PCNT: variants seen among roughly 807,000 people sequenced by gnomAD.
The protein encoded by PCNT is kendrin.
PCNT carries 319 observed loss-of-function variants against 380.4 expected under a neutral mutation model. That is an observed-to-expected ratio of 0.84 (90% CI 0.77 to 0.92). The LOEUF (loss-of-function observed/expected upper bound fraction) is 0.92, where lower values mean the gene tolerates loss of function less well. Ranked by LOEUF, PCNT falls within the 40% of genes least tolerant of loss-of-function variation. The probability of loss-of-function intolerance (pLI) is 0.00; values close to 1 mark genes in which losing one functional copy is unlikely to be tolerated. For synonymous variants in PCNT, 1,845 were observed against 1,735.2 expected (o/e 1.06, Z -1.57); for missense variants, 4,400 against 4,255.3 (o/e 1.03, Z -0.95).
At position 46,398,044 on chromosome 21, in the gene PCNT, GAGGAGTTCCAGC is replaced by G; in HGVS notation, c.4483_4494del (p.Phe1495_Glu1498del). 1 of 1,594,398 alleles carries G rather than the reference GAGGAGTTCCAGC, an allele frequency of 6.3e-7. No individual in the cohort carries two copies. The highest frequency in any genetic ancestry group is 8.5e-7 in the Non-Finnish European group (1 of 1,171,728). On this transcript the variant is annotated inframe_deletion, in exon 23 of 47. Coordinates refer to ENST00000359568, the MANE Select transcript of PCNT (RefSeq NM_006031.6). Reference sequence around the variant, plus strand: ...GGCAGCCGAGCGGGAGCACGAGCGCGAGGAGTTCCAGCAGGAGATTCAGAGGCTGGAGGGGCA... The same window carrying G: ...GGCAGCCGAGCGGGAGCACGAGCGCGAGGAGATTCAGAGGCTGGAGGGGCA...
intron 33 of PCNT, 135 bp downstream of exon 33, chr21:46,426,106 C>T: frequency 2.6e-6 from 2 of 784,248 alleles, no homozygotes; most frequent in Non-Finnish European, 3.6e-6. Flanking sequence ...TGAGACTCGG[C>T]TCACTGCAAC....
Position 46,354,515 on chromosome 21 carries a change from A to T in PCNT, c.1761+447A>T, listed in dbSNP as rs569083135. On this transcript the variant is annotated intron_variant, in intron 11 of 46. Coordinates refer to ENST00000359568, the MANE Select transcript of PCNT (RefSeq NM_006031.6). Reference sequence around the variant, plus strand: ...AAACTGTCCAAACGGAGCTTCTGGGATGTAGACTGTTCTGGGTCTGTGCTG... The same window carrying T: ...AAACTGTCCAAACGGAGCTTCTGGGTTGTAGACTGTTCTGGGTCTGTGCTG... 2.6e-5 allele frequency among the ~76,000 whole-genome samples: 4 copies of T among 152,254 alleles called. No individual in the cohort carries two copies. In the South Asian group the frequency reaches 6.2e-4, roughly 24 times the overall value.
At chr21:46,393,940 C>T (rs2086121728) in intron 21 of PCNT, among the ~76,000 whole-genome samples, 1 of 152,204 alleles carries the variant, frequency 6.6e-6, no homozygotes, top group Non-Finnish European at 1.5e-5. Context: ...CAGTGGCAGG[C>T]GCCTGGCATG....
chr21:46,373,312 C>T (rs1490683016), intron 15 of PCNT, among the ~76,000 whole-genome samples: 3 of 152,060 alleles, frequency 2.0e-5, no homozygotes, highest in Admixed American at 2.0e-4. Context: ...CCGCGCCTGG[C>T]CTGGACTATT....
rs777903393 is a variant in PCNT, at chr21:46,334,686, C to T, written c.557C>T (p.Thr186Ile). ...CAACCGGAACAGCGTGGGATGTTCA[C>T]AGTCAGTGACCACACACCAGAACAG... ...DHQPEQRGMFTVSDHTPEQRG... is the reference protein window; with the variant it reads ...DHQPEQRGMFIVSDHTPEQRG... The change falls in exon 3 of 47, where the codon ACA (threonine) becomes ATA (isoleucine). Residue 186 changes from threonine to isoleucine, a missense_variant. Transcript: ENST00000359568. 3 of 1,611,482 alleles carry T rather than the reference C, an allele frequency of 1.9e-6. No homozygotes were observed. The highest frequency in any genetic ancestry group is 2.5e-6 in the Non-Finnish European group (3 of 1,178,972).
intron 13 of PCNT, among the ~76,000 whole-genome samples, chr21:46,361,037 GTTGACTA>G (rs2084696026): frequency 6.6e-6 from 1 of 152,118 alleles, no homozygotes; most frequent in African/African-American, 2.4e-5. Flanking sequence ...TAATGTATCT[GTTGACTA>G]TTAAGTTATT....
chr21:46,400,677 GC>G (rs1311202831), intron 25 of PCNT, among the ~76,000 whole-genome samples: 1 of 151,908 alleles, frequency 6.6e-6, no homozygotes, highest in Non-Finnish European at 1.5e-5. Flanking sequence ...GCGCCACCAC[GC>G]CTGGCTAATT....
At chr21:46,399,836 TGTCCC>T (rs1399505298) in intron 25 of PCNT, 40 bp downstream of exon 25, 1 of 1,549,698 alleles carries the variant, frequency 6.5e-7, no homozygotes, top group Non-Finnish European at 8.9e-7. Context: ...CGTGGTGAGG[TGTCCC>T]GCAGGCATGG....
chr21:46,431,280 C>T, intron 37 of PCNT: 8 of 1,365,996 alleles, frequency 5.9e-6, no homozygotes, highest in Non-Finnish European at 7.6e-6. Flanking sequence ...TGGAGAGGGA[C>T]AGACTGGGAA....
chr21:46,437,243 T>G (rs1383851872), intron 40 of PCNT, among the ~76,000 whole-genome samples, 162 bp downstream of exon 40: 1 of 152,188 alleles, frequency 6.6e-6, no homozygotes, highest in Non-Finnish European at 1.5e-5. Context: ...GGGTCGACCC[T>G]GTGGGCCGAG....
chr21:46,441,312 G>A (rs1402354586), intron 43 of PCNT, among the ~76,000 whole-genome samples: 1 of 152,234 alleles, frequency 6.6e-6, no homozygotes, highest in African/African-American at 2.4e-5. Flanking sequence ...GGGCACCTTT[G>A]TATTACAGAG....
At chr21:46,378,316 C>T (rs754571895) in intron 15 of PCNT, among the ~76,000 whole-genome samples, 10 of 152,086 alleles carry the variant, frequency 6.6e-5, no homozygotes, top group African/African-American at 1.2e-4. Context: ...TGAATTGCTC[C>T]GTCATCAACT....
In PCNT at chr21:46,363,821, C is replaced by G; in HGVS notation, c.2496C>G (p.Asp832Glu). 6.2e-7 allele frequency: 1 copy of G among 1,612,480 alleles called. No individual in the cohort carries two copies. Among genetic ancestry groups the G allele is most frequent in the East Asian group, 2.2e-5 (1 of 44,872 alleles). ...QQLEQDLTSD[D>E]ALHCSQCGRE... ...TGGAACAGGACCTCACTTCAGACGA[C>G]GCCCTGCATTGCAGCCAGTGTGGGC... Residue 832 changes from aspartate (D) to glutamate (E), a missense_variant, in exon 14 of 47, where the codon GAC (aspartate) becomes GAG (glutamate). By Grantham distance (45) the Asp-to-Glu change is conservative. Transcript: ENST00000359568.
At chr21:46,445,167 T>C in intron 46 of PCNT, 117 bp from the exon 47 acceptor site, 1 of 800,086 alleles carries the variant, frequency 1.2e-6, no homozygotes, top group South Asian at 1.4e-5. Flanking sequence ...GTATAATTCA[T>C]ATTTTTACCA....
intron 41 of PCNT, among the ~76,000 whole-genome samples, chr21:46,439,616 C>T (rs1447796252): frequency 6.6e-6 from 1 of 152,188 alleles, no homozygotes; most frequent in Non-Finnish European, 1.5e-5. Context: ...AAGAAGCACA[C>T]GTTTGGTACA....
At chr21:46,360,213 ATTTT>A (rs71318070) in intron 13 of PCNT, among the ~76,000 whole-genome samples, 2 of 82,468 alleles carry the variant, frequency 2.4e-5, no homozygotes, top group African/African-American at 5.1e-5. Context: ...ATAGTTGGCA[ATTTT>A]TTTTTTTTTT....
intron 35 of PCNT, among the ~76,000 whole-genome samples, chr21:46,429,357 G>A (rs1215084251): frequency 8.1e-6 from 1 of 122,954 alleles, no homozygotes; most frequent in Non-Finnish European, 1.8e-5. Flanking sequence ...GCACGTGCTC[G>A]TGAGGGGCAC....
chr21:46,358,089 C>G (rs2084543283), intron 13 of PCNT, among the ~76,000 whole-genome samples: 1 of 152,070 alleles, frequency 6.6e-6, no homozygotes, highest in East Asian at 1.9e-4. Flanking sequence ...CAGGGTCCGT[C>G]CCATGCCGGA....
chr21:46,358,685 C>A (rs1446877869), intron 13 of PCNT, among the ~76,000 whole-genome samples: 2 of 150,768 alleles, frequency 1.3e-5, no homozygotes, highest in Admixed American at 1.3e-4. Context: ...AGCGTAGTGG[C>A]GCGATCTCAG....
Sources: allele counts gnomAD v4.1 joint callset (sites outside exome capture counted in the v4.1 genomes callset), GRCh38; gene constraint gnomAD v4.1.1; transcripts MANE v1.5; gene names NCBI Gene and HGNC (gene_info 2026-07-23, HGNC 2026-07-21).